Variants in KBTBD11 observed in about 807,000 individuals in gnomAD.
KBTBD11 encodes kelch repeat and BTB domain-containing protein 11.
For missense variants in KBTBD11, 1,390 were observed against 1,001.8 expected (o/e 1.39, Z -5.23); for synonymous variants, 747 against 499.0 (o/e 1.50, Z -6.63).
chr8:1,998,796 C>T (rs189188498), intron 1 of KBTBD11, among the ~76,000 whole-genome samples: 1 of 152,220 alleles, frequency 6.6e-6, no homozygotes, highest in Admixed American at 6.5e-5. Flanking sequence ...CTTTGCATGA[C>T]TCAGCTGGCT....
intron 1 of KBTBD11, among the ~76,000 whole-genome samples, chr8:1,991,273 G>T (rs1321992373): frequency 6.6e-6 from 1 of 152,238 alleles, no homozygotes; most frequent in African/African-American, 2.4e-5. Flanking sequence ...TATACACACC[G>T]CGTTGAACTC....
intron 1 of KBTBD11, among the ~76,000 whole-genome samples, chr8:1,980,301 A>T (rs1240586766): frequency 7.0e-6 from 1 of 142,760 alleles, no homozygotes; most frequent in African/African-American, 2.6e-5. Flanking sequence ...ATCTCAGCTC[A>T]CTGCAAGCTC....
At position 2,001,907 on chromosome 8, in the gene KBTBD11, G is replaced by A. The variant is rs1250179335; in HGVS notation, c.715G>A (p.Val239Ile). Residue 239 changes from valine to isoleucine, a missense_variant, in exon 2 of 2, where the codon GTC (valine) becomes ATC (isoleucine). Val to Ile is a conservative substitution (Grantham distance 29). Coordinates refer to ENST00000320248, the MANE Select transcript of KBTBD11 (RefSeq NM_014867.3). ...PQLSLANCYE[V>I]LSAAKRQRLN... ...GCTGAGCCTGGCCAACTGCTACGAG[G>A]TCCTGAGCGCGGCCAAGCGGCAGCG... 8 of 1,448,004 alleles carry A rather than the reference G, an allele frequency of 5.5e-6. No homozygotes were observed. The highest frequency in any genetic ancestry group is 6.4e-6 in the Non-Finnish European group (7 of 1,094,772). The allele number at this position is 1,448,004 out of a possible 1,614,324, so 89.7% of individuals were successfully genotyped here. A position where few individuals can be genotyped will look rare whatever the true frequency, so the allele number is the denominator to read the frequency against.
In KBTBD11 at chr8:2,001,026, C is replaced by T. The variant is rs1365831759; in HGVS notation, c.-167C>T. 10 of 909,714 alleles carry T rather than the reference C, an allele frequency of 1.1e-5. No individual in the cohort carries two copies. The South Asian group carries it at 2.2e-4, about 20-fold the overall frequency. The allele number at this position is 909,714 out of a possible 1,614,324, so 56.4% of individuals were successfully genotyped here. On this transcript the variant is annotated 5_prime_UTR_variant, in exon 2 of 2. Coordinates refer to ENST00000320248, the MANE Select transcript of KBTBD11 (RefSeq NM_014867.3). ...AGGCGGGGGAGCAGCGTGTGAGATT[C>T]CCCCCTTCACACACACAACAACAAA...
chr8:1,993,546 CACCCA>C (rs1817013891), intron 1 of KBTBD11, among the ~76,000 whole-genome samples: 1 of 118,366 alleles, frequency 8.4e-6, no homozygotes. Context: ...CCCACCCACC[CACCCA>C]CCCACCCATC....
intron 1 of KBTBD11, among the ~76,000 whole-genome samples, chr8:1,997,230 C>T (rs921465731): frequency 6.6e-6 from 1 of 152,100 alleles, no homozygotes; most frequent in African/African-American, 2.4e-5. Flanking sequence ...TGGAGCCAAC[C>T]ACAAAATGGT....
chr8:1,991,452 CTCCTG>C (rs1296572527), intron 1 of KBTBD11, among the ~76,000 whole-genome samples: 1 of 152,248 alleles, frequency 6.6e-6, no homozygotes, highest in Non-Finnish European at 1.5e-5. Flanking sequence ...GGGTCTCACT[CTCCTG>C]TCCTCTTCCC....
At chr8:1,991,156 C>T (rs1190100783) in intron 1 of KBTBD11, among the ~76,000 whole-genome samples, 2 of 152,198 alleles carry the variant, frequency 1.3e-5, no homozygotes, top group Non-Finnish European at 2.9e-5. Flanking sequence ...GTGCCCTCTT[C>T]TTGTCCTGCT....
At chr8:1,986,348 C>T (rs987099713) in intron 1 of KBTBD11, among the ~76,000 whole-genome samples, 1 of 152,142 alleles carries the variant, frequency 6.6e-6, no homozygotes, top group Non-Finnish European at 1.5e-5. Flanking sequence ...TGAAACAAAA[C>T]ACAAAAAAGA....
At position 2,001,163 on chromosome 8, in the gene KBTBD11, C is replaced by T. The variant is rs752680445; in HGVS notation, c.-30C>T. 1.0e-4 allele frequency: 132 copies of T among 1,296,216 alleles called. No homozygotes were observed. The highest frequency in any genetic ancestry group is 1.2e-4 in the Non-Finnish European group (126 of 1,022,916). 80.3% of individuals were successfully genotyped at this position (1,296,216 alleles called of 1,614,324 possible). A position where few individuals can be genotyped will look rare whatever the true frequency, so the allele number is the denominator to read the frequency against. On this transcript the variant is annotated 5_prime_UTR_variant, in exon 2 of 2. Coordinates refer to ENST00000320248, the MANE Select transcript of KBTBD11 (RefSeq NM_014867.3). ...GACCTGCAGGCTGCGGAACCGGGGGCGCGCGGGCGCAGCGCAGCACAGCCC... is the reference window on the plus strand; with the variant it reads ...GACCTGCAGGCTGCGGAACCGGGGGTGCGCGGGCGCAGCGCAGCACAGCCC...
At chr8:1,984,986 T>C (rs1226120832) in intron 1 of KBTBD11, among the ~76,000 whole-genome samples, 1 of 152,050 alleles carries the variant, frequency 6.6e-6, no homozygotes, top group Non-Finnish European at 1.5e-5. Flanking sequence ...TGAATCAGGG[T>C]GGAATGGCCT....
At chr8:1,996,094 A>C (rs1414506092) in intron 1 of KBTBD11, among the ~76,000 whole-genome samples, 1 of 152,196 alleles carries the variant, frequency 6.6e-6, no homozygotes, top group African/African-American at 2.4e-5. Context: ...TCTTAGACTT[A>C]TGGCCCTTCT....
At chr8:1,993,416 T>TCCAC (rs1816997012) in intron 1 of KBTBD11, among the ~76,000 whole-genome samples, 1 of 112,688 alleles carries the variant, frequency 8.9e-6, no homozygotes, top group African/African-American at 2.9e-5. Context: ...CATCCATCCA[T>TCCAC]CCATCCACCC....
At chr8:1,987,007 CAAAAAAAA>C (rs59934216) in intron 1 of KBTBD11, among the ~76,000 whole-genome samples, 6 of 62,022 alleles carry the variant, frequency 9.7e-5, no homozygotes, top group Admixed American at 2.2e-4. Flanking sequence ...CCTATCTCTC[CAAAAAAAA>C]AAAAAAAAAA....
Position 1,999,760 on chromosome 8 carries a change from GA to G in KBTBD11, c.-908-523del, listed in dbSNP as rs1330304112. Among the ~76,000 whole-genome samples the G allele has an allele frequency of 8.4e-4, 128 of 152,302 alleles. 1 individual carries two copies. The highest frequency in any genetic ancestry group is 2.9e-3 in the African/African-American group (122 of 41,546). The stretch of plus-strand genomic sequence containing the variant: ...GCTGTTGGCTGAAGCTGATTCCAGA[GA>G]AGCATCCTAACGCCTTTCTACAAAT... On this transcript the variant is annotated intron_variant, in intron 1 of 1. Coordinates refer to ENST00000320248, the MANE Select transcript of KBTBD11 (RefSeq NM_014867.3).
chr8:1,977,003 G>A (rs985387988), intron 1 of KBTBD11, among the ~76,000 whole-genome samples: 6 of 152,140 alleles, frequency 3.9e-5, no homozygotes, highest in Non-Finnish European at 8.8e-5. Flanking sequence ...CCAACCCATG[G>A]GCCACGAGCC....
intron 1 of KBTBD11, among the ~76,000 whole-genome samples, chr8:1,986,750 A>G (rs958465518): frequency 1.9e-4 from 29 of 152,364 alleles, no homozygotes; most frequent in Non-Finnish European, 3.1e-4. Flanking sequence ...ATATGGCATT[A>G]CGTTTTAAAT....
chr8:1,993,482 TATCCGTCC>T (rs1356699725), intron 1 of KBTBD11, among the ~76,000 whole-genome samples: 20 of 126,988 alleles, frequency 1.6e-4, no homozygotes, highest in South Asian at 2.9e-4. Context: ...TCCATCCATC[TATCCGTCC>T]ATCCGTCCAT....
At chr8:1,984,649 C>A (rs1484068003) in intron 1 of KBTBD11, among the ~76,000 whole-genome samples, 1 of 124,466 alleles carries the variant, frequency 8.0e-6, no homozygotes, top group East Asian at 1.9e-4. Context: ...AGGTGAGTGG[C>A]CCCCTAAAAA....
Sources: allele counts gnomAD v4.1 joint callset (sites outside exome capture counted in the v4.1 genomes callset), GRCh38; gene constraint gnomAD v4.1.1; transcripts MANE v1.5; gene names NCBI Gene and HGNC (gene_info 2026-07-23, HGNC 2026-07-21).